Variants in PDZD8 observed in about 807,000 individuals in gnomAD.
The protein encoded by PDZD8 is PDZ domain containing 8, also known as PDZ domain-containing protein 8.
Under a neutral mutation model 85.8 loss-of-function variants are expected in PDZD8, and 14 were observed. That is an observed-to-expected ratio of 0.16 (90% CI 0.11 to 0.26). PDZD8 has a LOEUF of 0.26. Ranked by LOEUF, PDZD8 falls within the 10% of genes least tolerant of loss-of-function variation. PDZD8 has a pLI of 1.00. For synonymous variants in PDZD8, 592 were observed against 568.6 expected (o/e 1.04, Z -0.59); for missense variants, 1,197 against 1,424.3 (o/e 0.84, Z 2.57).
intron 2 of PDZD8, among the ~76,000 whole-genome samples, chr10:117,322,675 G>A (rs139244881): frequency 0.025 from 3,760 of 152,088 alleles, 73 homozygotes; most frequent in South Asian, 0.039. Flanking sequence ...ACAGAGAAAT[G>A]GGAAAATCAT....
At chr10:117,346,211 C>G (rs1158541792) in intron 1 of PDZD8, among the ~76,000 whole-genome samples, 1 of 107,156 alleles carries the variant, frequency 9.3e-6, no homozygotes, top group Non-Finnish European at 1.8e-5. Context: ...CCAGCCTAGG[C>G]AACAAGAGCG....
chr10:117,355,229 G>A (rs1337992929), intron 1 of PDZD8, among the ~76,000 whole-genome samples: 1 of 152,102 alleles, frequency 6.6e-6, no homozygotes, highest in African/African-American at 2.4e-5. Flanking sequence ...GATGCCATAC[G>A]TAGCCTAGTC....
chr10:117,314,881 T>A (rs1005932609), intron 3 of PDZD8, among the ~76,000 whole-genome samples: 1 of 152,210 alleles, frequency 6.6e-6, no homozygotes, highest in African/African-American at 2.4e-5. Context: ...TGGTCTCTTA[T>A]GAAAGGCAAT....
At chr10:117,309,581 A>AGTG (rs916371638) in intron 3 of PDZD8, among the ~76,000 whole-genome samples, 30 of 151,842 alleles carry the variant, frequency 2.0e-4, no homozygotes, top group Non-Finnish European at 1.5e-5. Flanking sequence ...CTCCATTCCC[A>AGTG]GTGGTATTCA....
Position 117,285,163 on chromosome 10 carries a change from G to A in PDZD8, c.1570C>T (p.Arg524Cys), listed in dbSNP as rs376740052. 14 of 1,614,024 alleles carry A rather than the reference G, an allele frequency of 8.7e-6. No individual in the cohort carries two copies. The highest frequency in any genetic ancestry group is 6.7e-5 in the East Asian group (3 of 44,904). The change falls in exon 5 of 5, where the codon CGT (arginine) becomes TGT (cysteine). Residue 524 changes from arginine (R) to cysteine (C), a missense_variant. By Grantham distance (180) the Arg-to-Cys change is radical. Transcript: ENST00000334464. ...TTAATAGAAAGTGTTGTTGGAACAC[G>A]TTTGGGACTATGACTTAATGATTGT... ...EAQSLSHSPK[R>C]VPTTLSIKPL... is the part of the protein sequence containing the mutation.
intron 3 of PDZD8, among the ~76,000 whole-genome samples, chr10:117,291,567 G>A (rs956780175): frequency 3.3e-5 from 5 of 151,850 alleles, no homozygotes; most frequent in East Asian, 1.9e-4. Flanking sequence ...GGGGATGATG[G>A]GGATGGTGGT....
rs572224406 is a variant in PDZD8, at chr10:117,323,128, C to T, written c.996-4154G>A. On this transcript the variant is annotated intron_variant, in intron 2 of 4. Coordinates refer to ENST00000334464, the MANE Select transcript of PDZD8 (RefSeq NM_173791.5). ...AGAATTACAATGGCCATATGAAGAC[C>T]GTTCCAGAAGAACAAGATCGTTCAT... Among the ~76,000 whole-genome samples the T allele has an allele frequency of 1.8e-4, 28 of 152,210 alleles. 1 individual carries two copies. The South Asian group carries it at 4.4e-3, about 24-fold the overall frequency.
rs975714396 is a variant in PDZD8 at position 117,350,426 on chromosome 10, C to T, written c.873-9324G>A. Reference sequence around the variant, plus strand: ...ATTACAGGGTGCCCACTACCACGTTCGGTTAATTTTTGTATTTTTAGTAGA... The same window carrying T: ...ATTACAGGGTGCCCACTACCACGTTTGGTTAATTTTTGTATTTTTAGTAGA... On this transcript the variant is annotated intron_variant, in intron 1 of 4. Transcript: ENST00000334464. Among the ~76,000 whole-genome samples, 7 of 151,184 alleles carry T rather than the reference C, an allele frequency of 4.6e-5. No homozygotes were observed. The East Asian group carries it at 6.0e-4, about 13-fold the overall frequency.
In PDZD8 at chr10:117,285,414, C is replaced by T. The variant is rs754081457; in HGVS notation, c.1319G>A (p.Arg440Gln). 8.1e-6 allele frequency: 13 copies of T among 1,613,056 alleles called. No individual in the cohort carries two copies. The highest frequency in any genetic ancestry group is 6.7e-5 in the East Asian group (3 of 44,832). The change falls in exon 5 of 5, where the codon CGA (arginine) becomes CAA (glutamine). Residue 440 changes from arginine (R) to glutamine (Q), a missense_variant. Transcript: ENST00000334464. Reference sequence around the variant, plus strand: ...AGGCCTTTCATAGTACACCAGGACTCGGTCACCAGCCTGCTTGATAAGCTT... The same window carrying T: ...AGGCCTTTCATAGTACACCAGGACTTGGTCACCAGCCTGCTTGATAAGCTT... Reference protein sequence around the residue: ...VLKLIKQAGDRVLVYYERPVG... With the variant: ...VLKLIKQAGDQVLVYYERPVG...
chr10:117,327,018 T>G (rs1844329149), intron 2 of PDZD8, among the ~76,000 whole-genome samples: 1 of 152,224 alleles, frequency 6.6e-6, no homozygotes, highest in African/African-American at 2.4e-5. Flanking sequence ...ATCCTTCTGA[T>G]AGTAGTAGTC....
chr10:117,299,369 G>A (rs1167119115), intron 3 of PDZD8, among the ~76,000 whole-genome samples: 3 of 152,110 alleles, frequency 2.0e-5, no homozygotes, highest in Non-Finnish European at 2.9e-5. Flanking sequence ...TCTCTAGCAA[G>A]GCCAGGGAAG....
In PDZD8 at chr10:117,284,702, T is replaced by C; in HGVS notation, c.2031A>G (p.Gln677=). The C allele has an allele frequency of 6.2e-7, 1 of 1,614,238 alleles. No individual in the cohort carries two copies. Among genetic ancestry groups the C allele is most frequent in the Non-Finnish European group, 8.5e-7 (1 of 1,180,028 alleles). The change falls in exon 5 of 5, where the codon CAA becomes CAG. Residue 677 remains glutamine, a synonymous_variant. Coordinates refer to ENST00000334464, the MANE Select transcript of PDZD8 (RefSeq NM_173791.5). ...CPTKDSSDDR[Q]TWESSEILYR... ...AAAGAATTTCTGATGATTCCCATGT[T>C]TGACGGTCGTCCGAACTGTCCTTAG...
chr10:117,315,043 C>T (rs1285363493), intron 3 of PDZD8, among the ~76,000 whole-genome samples: 1 of 152,164 alleles, frequency 6.6e-6, no homozygotes, highest in African/African-American at 2.4e-5. Flanking sequence ...GGTGTTTGTA[C>T]TAGCCCCTAC....
intron 1 of PDZD8, among the ~76,000 whole-genome samples, chr10:117,372,929 G>C (rs891903094): frequency 6.6e-6 from 1 of 151,952 alleles, no homozygotes; most frequent in African/African-American, 2.4e-5. Context: ...AATTGACACT[G>C]GTAGAAAATT....
rs1241797141 is a variant in PDZD8 at position 117,346,389 on chromosome 10, C to T, written c.873-5287G>A. 2.0e-5 allele frequency among the ~76,000 whole-genome samples: 3 copies of T among 152,200 alleles called. No individual in the cohort carries two copies. In the East Asian group the frequency reaches 5.8e-4, roughly 29 times the overall value. ...CCACCTGATTGAATTTCCTCCTCAG[C>T]CAGGGCACTCTTAAAATTTAATCTG... On this transcript the variant is annotated intron_variant, in intron 1 of 4. Coordinates refer to ENST00000334464, the MANE Select transcript of PDZD8 (RefSeq NM_173791.5).
At chr10:117,325,384 A>G (rs1844297493) in intron 2 of PDZD8, among the ~76,000 whole-genome samples, 1 of 150,596 alleles carries the variant, frequency 6.6e-6, no homozygotes, top group African/African-American at 2.4e-5. Context: ...ATTACCTATC[A>G]AAAGTTCCAG....
chr10:117,374,741 C>G lies in PDZD8; in HGVS notation c.487G>C (p.Val163Leu), dbSNP rs932898901. 3 of 1,611,762 alleles carry G rather than the reference C, an allele frequency of 1.9e-6. No individual in the cohort carries two copies. The highest frequency in any genetic ancestry group is 2.5e-6 in the Non-Finnish European group (3 of 1,179,572). The change falls in exon 1 of 5, where the codon GTG (valine) becomes CTG (leucine). Residue 163 changes from valine (V) to leucine (L), a missense_variant. By Grantham distance (32) the Val-to-Leu change is conservative. Around this residue, in one of 4 missense-constraint regions of PDZD8, gnomAD observed 344 missense variants for 453.6 expected, o/e 0.76. Coordinates refer to ENST00000334464, the MANE Select transcript of PDZD8 (RefSeq NM_173791.5). The surrounding 1 kb of genome is among the most constrained non-coding windows in gnomAD (Gnocchi z 7.8). ...GTGGCCGAGGGCACGACTGGCCGCA[C>G]GAGCCGGATGGTCTTGATGAAGGGC... ...TVPFIKTIRL[V>L]RPVVPSATGE... is the part of the protein sequence containing the mutation.
At position 117,277,552 on chromosome 10, in the gene PDZD8, TATAA is replaced by T. The variant is rs1844518191; in HGVS notation, c.*5712_*5715del. The T allele has an allele frequency of 5.4e-6, 1 of 184,142 alleles. No homozygotes were observed. The allele number at this position is 184,142 out of a possible 1,614,324, so 11.4% of individuals were successfully genotyped here. A position where few individuals can be genotyped will look rare whatever the true frequency, so the allele number is the denominator to read the frequency against. Reference sequence around the variant, plus strand: ...TGATGAAATAGGTATTGTGTAAATCTATAAATATTTGAATCCAAACCAAATATAA... The same window carrying T: ...TGATGAAATAGGTATTGTGTAAATCTATATTTGAATCCAAACCAAATATAA... On this transcript the variant is annotated 3_prime_UTR_variant, in exon 5 of 5. Coordinates refer to ENST00000334464, the MANE Select transcript of PDZD8 (RefSeq NM_173791.5).
chr10:117,340,680 T>C (rs1014100158), intron 2 of PDZD8, among the ~76,000 whole-genome samples: 2 of 152,114 alleles, frequency 1.3e-5, no homozygotes, highest in African/African-American at 4.8e-5. Context: ...CTCTTTAACA[T>C]AGGAACAGCT....
Sources: allele counts gnomAD v4.1 joint callset (sites outside exome capture counted in the v4.1 genomes callset), GRCh38; gene constraint gnomAD v4.1.1; regional missense constraint gnomAD v4.1.1; non-coding constraint Gnocchi (gnomAD v3.1); transcripts MANE v1.5; gene names NCBI Gene and HGNC (gene_info 2026-07-23, HGNC 2026-07-21).